ADGRG6: variants seen among roughly 807,000 people sequenced by gnomAD.
ADGRG6 encodes adhesion G protein-coupled receptor G6.
In ADGRG6, 84 loss-of-function variants were observed where a neutral mutation model predicts 142.4. The observed-to-expected ratio is 0.59, with a 90% confidence interval of 0.49 to 0.71. The LOEUF (loss-of-function observed/expected upper bound fraction) is 0.71, where lower values mean the gene tolerates loss of function less well. Ranked by LOEUF, ADGRG6 falls within the 30% of genes least tolerant of loss-of-function variation. ADGRG6 has a pLI of 0.00. For synonymous variants in ADGRG6, 521 were observed against 520.5 expected (o/e 1.00, Z -0.01); for missense variants, 1,367 against 1,466.6 (o/e 0.93, Z 1.11).
At chr6:142,365,050 T>G (rs1303624512) in intron 2 of ADGRG6, among the ~76,000 whole-genome samples, 3 of 152,318 alleles carry the variant, frequency 2.0e-5, no homozygotes, top group South Asian at 2.1e-4. Context: ...CAGAGGTTGT[T>G]GCTTACTTTC....
At chr6:142,428,428 T>C (rs983476372) in intron 22 of ADGRG6, among the ~76,000 whole-genome samples, 1 of 152,126 alleles carries the variant, frequency 6.6e-6, no homozygotes, top group Non-Finnish European at 1.5e-5. Flanking sequence ...AAACCAAATT[T>C]ATTATTTTCT....
chr6:142,440,790 G>C (rs909959355), intron 24 of ADGRG6: 2 of 612,888 alleles, frequency 3.3e-6, no homozygotes, highest in African/African-American at 3.9e-5. Context: ...GTTCTCAGTG[G>C]AACAGTTAGC....
chr6:142,347,323 T>C (rs1043576362), intron 2 of ADGRG6, among the ~76,000 whole-genome samples: 19 of 152,298 alleles, frequency 1.2e-4, no homozygotes, highest in African/African-American at 4.1e-4. Context: ...AATATTACCA[T>C]AGTTTTTATA....
At chr6:142,310,627 A>G (rs1349805989) in intron 2 of ADGRG6, among the ~76,000 whole-genome samples, 1 of 151,844 alleles carries the variant, frequency 6.6e-6, no homozygotes, top group Non-Finnish European at 1.5e-5. Flanking sequence ...TTGTATTGAG[A>G]TGTGAAAACT....
At chr6:142,347,429 T>G (rs1779960823) in intron 2 of ADGRG6, among the ~76,000 whole-genome samples, 1 of 152,054 alleles carries the variant, frequency 6.6e-6, no homozygotes, top group Non-Finnish European at 1.5e-5. Flanking sequence ...ACCGGAAGAG[T>G]AGATAGTTCA....
chr6:142,414,886 T>C, intron 18 of ADGRG6, 83 bp from the exon 19 acceptor site: 1 of 1,200,632 alleles, frequency 8.3e-7, no homozygotes, highest in Non-Finnish European at 1.2e-6. Context: ...TGCTCTAATG[T>C]TAACAGTGAA....
chr6:142,368,785 A>T (rs1269459853), intron 3 of ADGRG6, among the ~76,000 whole-genome samples: 4 of 152,134 alleles, frequency 2.6e-5, no homozygotes, highest in African/African-American at 9.7e-5. Context: ...AATATTTTAA[A>T]TTTTTCAAAA....
intron 2 of ADGRG6, among the ~76,000 whole-genome samples, chr6:142,311,957 C>T (rs1777788538): frequency 6.6e-6 from 1 of 151,912 alleles, no homozygotes; most frequent in African/African-American, 2.4e-5. Context: ...ATTGGCCTTT[C>T]TATTCCTTGT....
chr6:142,443,525 GA>G lies in ADGRG6; in HGVS notation c.*15del. The G allele has an allele frequency of 6.3e-7, 1 of 1,586,550 alleles. No individual in the cohort carries two copies. Among genetic ancestry groups the G allele is most frequent in the Non-Finnish European group, 8.6e-7 (1 of 1,161,528 alleles). ...CAGCACAAAGTTTTAATGTCTTTAA[GA>G]AAAAGAAATCAATCTGCAGAAATGT... On this transcript the variant is annotated 3_prime_UTR_variant, in exon 25 of 25. Coordinates refer to ENST00000367609, the MANE Select transcript of ADGRG6 (RefSeq NM_198569.3).
chr6:142,322,482 A>G (rs1778565601), intron 2 of ADGRG6, among the ~76,000 whole-genome samples: 1 of 152,140 alleles, frequency 6.6e-6, no homozygotes, highest in African/African-American at 2.4e-5. Flanking sequence ...CAAGTGTAAG[A>G]TGCCACCTCA....
chr6:142,404,108 C>G (rs1775676338), intron 14 of ADGRG6, 135 bp downstream of exon 14: 5 of 694,006 alleles, frequency 7.2e-6, no homozygotes, highest in Admixed American at 2.6e-5. Context: ...CTAAGTTTAA[C>G]TAGAGCAGTA....
chr6:142,384,402 C>T (rs1435794193), intron 6 of ADGRG6, among the ~76,000 whole-genome samples: 2 of 151,974 alleles, frequency 1.3e-5, no homozygotes, highest in African/African-American at 2.4e-5. Context: ...TTTTGAATGA[C>T]AACTTCAAAT....
At chr6:142,377,517 C>T (rs528152126) in intron 4 of ADGRG6, among the ~76,000 whole-genome samples, 14 of 152,224 alleles carry the variant, frequency 9.2e-5, no homozygotes, top group Admixed American at 4.6e-4. Context: ...GGAGATTCTC[C>T]GGGCGCCCCT....
chr6:142,418,037 A>G (rs1776455016), intron 21 of ADGRG6, among the ~76,000 whole-genome samples: 1 of 152,038 alleles, frequency 6.6e-6, no homozygotes, highest in African/African-American at 2.4e-5. Flanking sequence ...GCTTACACCT[A>G]TAATCCCAGC....
chr6:142,408,667 G>A (rs1775934836), intron 16 of ADGRG6, among the ~76,000 whole-genome samples: 1 of 152,188 alleles, frequency 6.6e-6, no homozygotes, highest in Non-Finnish European at 1.5e-5. Flanking sequence ...AGAAACAGGG[G>A]AGGGTGGACT....
At position 142,367,593 on chromosome 6, in the gene ADGRG6, T is replaced by G. The variant is rs1329334973; in HGVS notation, c.128T>G (p.Val43Gly). The G allele has an allele frequency of 2.5e-6, 4 of 1,613,622 alleles. No homozygotes were observed. ...HSVWGCANCR[V>G]VLSNPSGTFT... ...GTGTGGGGATGTGCCAACTGCCGAG[T>G]GGTTTTGTCCAACCCTTCTGGGACC... The change falls in exon 3 of 25, where the codon GTG (valine) becomes GGG (glycine). Residue 43 changes from valine (V) to glycine (G), a missense_variant. This residue lies in a region of ADGRG6 where 737 missense variants were observed against 746.5 expected (regional missense o/e 0.99). Coordinates refer to ENST00000367609, the MANE Select transcript of ADGRG6 (RefSeq NM_198569.3).
intron 24 of ADGRG6, among the ~76,000 whole-genome samples, chr6:142,439,840 G>T (rs921042497): frequency 6.6e-5 from 10 of 152,074 alleles, no homozygotes; most frequent in African/African-American, 2.4e-4. Flanking sequence ...TGATAACAGG[G>T]GTATAGCCTA....
Position 142,424,837 on chromosome 6 carries a change from T to A in ADGRG6, c.3319+4733T>A, listed in dbSNP as rs149159366. Among the ~76,000 whole-genome samples, 630 of 152,284 alleles carry A rather than the reference T, an allele frequency of 4.1e-3. 3 individuals are homozygous for A. Among genetic ancestry groups the A allele is most frequent in the African/African-American group, 0.014 (598 of 41,554 alleles). On this transcript the variant is annotated intron_variant, in intron 22 of 24. Transcript: ENST00000367609. ...GGGGAGACAGGTTAATTAAATATAT[T>A]GCTCTATAGAAATTACCTTGTGACG...
chr6:142,365,244 A>G (rs1339430076), intron 2 of ADGRG6, among the ~76,000 whole-genome samples: 1 of 152,086 alleles, frequency 6.6e-6, no homozygotes, highest in Non-Finnish European at 1.5e-5. Flanking sequence ...CCAACACCCC[A>G]CCCAAAGAGA....
Sources: gnomAD v4.1 joint callset for allele counts (sites outside exome capture counted in the v4.1 genomes callset) on GRCh38, gnomAD v4.1.1 for gene constraint, gnomAD v4.1.1 regional missense constraint, MANE v1.5 for transcripts, NCBI Gene and HGNC (gene_info 2026-07-23, HGNC 2026-07-21) for gene names.